LRRC7: variants seen among roughly 807,000 people sequenced by gnomAD.
LRRC7 encodes leucine rich repeat containing 7.
Under a neutral mutation model 175.7 loss-of-function variants are expected in LRRC7, and 23 were observed. The ratio of observed to expected loss-of-function variants is 0.13; its 90% CI spans 0.09 to 0.19. The LOEUF is 0.19. Ranked by LOEUF, LRRC7 falls within the 10% of genes least tolerant of loss-of-function variation. LRRC7 has a pLI of 1.00. For synonymous variants in LRRC7, 685 were observed against 680.9 expected (o/e 1.01, Z -0.09); for missense variants, 1,354 against 1,904.7 (o/e 0.71, Z 5.38).
chr1:69,909,895 T>C (rs1365770782), intron 7 of LRRC7, among the ~76,000 whole-genome samples: 2 of 152,176 alleles, frequency 1.3e-5, no homozygotes, highest in African/African-American at 2.4e-5. Flanking sequence ...CTCCCCATCA[T>C]TTTCAGGTAC....
intron 26 of LRRC7, among the ~76,000 whole-genome samples, chr1:70,121,056 G>C (rs1379331503): frequency 1.3e-5 from 2 of 151,890 alleles, no homozygotes; most frequent in African/African-American, 4.8e-5. Context: ...TAGACAGATG[G>C]AACTCTGAAA....
rs116740278 is a variant in LRRC7 at position 70,095,357 on chromosome 1, G to A, written c.4545+5538G>A. On this transcript the variant is annotated intron_variant, in intron 25 of 26. Coordinates refer to ENST00000651989, the MANE Select transcript of LRRC7 (RefSeq NM_001370785.2). ...TCAGCTGCATCTTAGTCATATTGCA[G>A]TTTGAGGTTCAGAATGCCACTAGGT... Among the ~76,000 whole-genome samples, 1,290 of 152,266 alleles carry A rather than the reference G, an allele frequency of 8.5e-3. 12 individuals carry two copies. The highest frequency in any genetic ancestry group is 0.029 in the African/African-American group (1,216 of 41,574).
At chr1:69,975,027 CCTT>C (rs1219699837) in intron 8 of LRRC7, among the ~76,000 whole-genome samples, 1 of 152,060 alleles carries the variant, frequency 6.6e-6, no homozygotes, top group Non-Finnish European at 1.5e-5. Context: ...ATTATTATCA[CCTT>C]ATTATGTTCT....
intron 7 of LRRC7, among the ~76,000 whole-genome samples, chr1:69,867,774 T>G (rs984558161): frequency 1.3e-5 from 2 of 152,142 alleles, no homozygotes; most frequent in African/African-American, 4.8e-5. Context: ...GGTTGTTAAC[T>G]TGGAAGACTT....
At chr1:69,662,201 C>G (rs993804323) in intron 1 of LRRC7, among the ~76,000 whole-genome samples, 1 of 152,114 alleles carries the variant, frequency 6.6e-6, no homozygotes, top group Non-Finnish European at 1.5e-5. Context: ...TAAAGATGCT[C>G]TATAACCATA....
intron 8 of LRRC7, among the ~76,000 whole-genome samples, chr1:69,938,514 T>A (rs568236770): frequency 6.6e-6 from 1 of 152,040 alleles, no homozygotes; most frequent in South Asian, 2.1e-4. Context: ...AGAATAGAGA[T>A]ATTCTGAGCG....
chr1:70,074,453 AC>A (rs1662626834), intron 23 of LRRC7, among the ~76,000 whole-genome samples: 1 of 152,258 alleles, frequency 6.6e-6, no homozygotes, highest in African/African-American at 2.4e-5. Flanking sequence ...AGGAATAGAT[AC>A]AATAGAGAAA....
At position 70,124,756 on chromosome 1, in the gene LRRC7, A is replaced by T. The variant is rs530535317; in HGVS notation, c.*2869A>T. Reference sequence around the variant, plus strand: ...AAAAAAAGTCAAGGGTGTGCCTTTTAAAAAAAAAAAAGAAAAATCAATAAC... The same window carrying T: ...AAAAAAAGTCAAGGGTGTGCCTTTTTAAAAAAAAAAAGAAAAATCAATAAC... On this transcript the variant is annotated 3_prime_UTR_variant, in exon 27 of 27. Coordinates refer to ENST00000651989, the MANE Select transcript of LRRC7 (RefSeq NM_001370785.2). Among the ~76,000 whole-genome samples, 51 of 78,662 alleles carry T rather than the reference A, an allele frequency of 6.5e-4. No individual in the cohort carries two copies. The highest frequency in any genetic ancestry group is 1.1e-3 in the African/African-American group (38 of 34,196). The allele number at this position is 78,662 out of a possible 152,430, so 51.6% of individuals were successfully genotyped here.
Position 70,062,887 on chromosome 1 carries a change from A to T in LRRC7, c.4230+9742A>T, listed in dbSNP as rs575480354. On this transcript the variant is annotated intron_variant, in intron 23 of 26. Transcript: ENST00000651989. ...AGATTTGTTCTCAGAAATAATGGGGATAGGAGGTTGTGAAAATGTGAATGG... is the reference window on the plus strand; with the variant it reads ...AGATTTGTTCTCAGAAATAATGGGGTTAGGAGGTTGTGAAAATGTGAATGG... 2.5e-4 allele frequency among the ~76,000 whole-genome samples: 38 copies of T among 152,038 alleles called. 1 individual carries two copies. In the South Asian group the frequency reaches 7.7e-3, roughly 31 times the overall value.
chr1:70,011,162 T>C (rs1656467446), intron 11 of LRRC7, among the ~76,000 whole-genome samples: 1 of 152,176 alleles, frequency 6.6e-6, no homozygotes, highest in African/African-American at 2.4e-5. Flanking sequence ...TAGCACCTGC[T>C]AAGAGGCAGG....
chr1:69,762,614 C>T (rs1477991265), intron 3 of LRRC7, among the ~76,000 whole-genome samples: 1 of 151,860 alleles, frequency 6.6e-6, no homozygotes, highest in Non-Finnish European at 1.5e-5. Flanking sequence ...GGGGAGGACT[C>T]AGGTTATGAA....
intron 1 of LRRC7, among the ~76,000 whole-genome samples, chr1:69,674,720 A>G (rs1026539901): frequency 3.3e-5 from 5 of 152,180 alleles, no homozygotes; most frequent in Non-Finnish European, 7.4e-5. Flanking sequence ...TTCTTCATCT[A>G]TAAAAATTGG....
chr1:70,092,337 T>A (rs1003345709), intron 25 of LRRC7, among the ~76,000 whole-genome samples: 9 of 152,146 alleles, frequency 5.9e-5, no homozygotes, highest in Admixed American at 5.9e-4. Context: ...ATAAGGAGTC[T>A]AGTCATGCAA....
intron 23 of LRRC7, among the ~76,000 whole-genome samples, chr1:70,072,969 A>T (rs970030333): frequency 1.3e-5 from 2 of 152,192 alleles, no homozygotes; most frequent in Non-Finnish European, 2.9e-5. Flanking sequence ...GGGTGGCAGT[A>T]TAATATAGTC....
At chr1:69,714,099 G>A (rs761053503) in intron 2 of LRRC7, among the ~76,000 whole-genome samples, 19 of 152,120 alleles carry the variant, frequency 1.2e-4, no homozygotes, top group South Asian at 2.1e-4. Flanking sequence ...AATTCACCTT[G>A]CTCTCCAGGC....
At chr1:69,675,570 C>A (rs1204242984) in intron 1 of LRRC7, among the ~76,000 whole-genome samples, 3 of 152,078 alleles carry the variant, frequency 2.0e-5, no homozygotes, top group African/African-American at 7.2e-5. Context: ...CTATAATTTA[C>A]TATCTTAAGC....
chr1:69,914,979 A>G (rs1203136472), intron 7 of LRRC7, among the ~76,000 whole-genome samples: 1 of 152,162 alleles, frequency 6.6e-6, no homozygotes, highest in Non-Finnish European at 1.5e-5. Context: ...TATTTAAACA[A>G]TGGTCAAGCC....
intron 24 of LRRC7, among the ~76,000 whole-genome samples, chr1:70,078,828 A>ACGCG (rs1553200929): frequency 5.1e-5 from 7 of 137,224 alleles, no homozygotes; most frequent in Non-Finnish European, 1.1e-4. Context: ...ACACACGCAC[A>ACGCG]CACACACACA....
chr1:69,625,759 G>T (rs559767923), intron 1 of LRRC7, among the ~76,000 whole-genome samples: 1 of 151,920 alleles, frequency 6.6e-6, no homozygotes, highest in Non-Finnish European at 1.5e-5. Flanking sequence ...TCTTTGATCC[G>T]GGGGCTGTTT....
Sources: allele counts gnomAD v4.1 joint callset (sites outside exome capture counted in the v4.1 genomes callset), GRCh38; gene constraint gnomAD v4.1.1; transcripts MANE v1.5; gene names NCBI Gene and HGNC (gene_info 2026-07-23, HGNC 2026-07-21).